The following OPCML variants were observed in gnomAD, a reference collection of about 807,000 sequenced individuals.
OPCML encodes the protein opioid-binding protein/cell adhesion molecule.
In OPCML, 13 loss-of-function variants were observed where a neutral mutation model predicts 37.8. That is an observed-to-expected ratio of 0.34 (90% CI 0.22 to 0.55). The LOEUF is 0.55. Among genes scored for constraint, OPCML ranks in the 20% least tolerant of loss-of-function variants. The probability of loss-of-function intolerance (pLI) is 0.91; values close to 1 mark genes in which losing one functional copy is unlikely to be tolerated. For synonymous variants in OPCML, 176 were observed against 168.8 expected, an observed-to-expected ratio of 1.04 and a Z score of -0.33; for missense variants, 341 against 435.6, an observed-to-expected ratio of 0.78 and a Z score of 1.93.
chr11:132,999,135 C>T (rs920785698), intron 1 of OPCML, among the ~76,000 whole-genome samples: 1 of 152,216 alleles, frequency 6.6e-6, no homozygotes, highest in Non-Finnish European at 1.5e-5. Flanking sequence ...TTCCTGCTCC[C>T]AGCAGTCCTG....
chr11:132,446,030 G>C (rs992044217), intron 4 of OPCML, among the ~76,000 whole-genome samples: 4 of 148,052 alleles, frequency 2.7e-5, no homozygotes, highest in African/African-American at 7.4e-5. Context: ...ATAGTCAAAC[G>C]AAGAGCATGA....
chr11:132,901,540 G>A (rs1944061926), intron 2 of OPCML, among the ~76,000 whole-genome samples: 1 of 152,192 alleles, frequency 6.6e-6, no homozygotes, highest in Non-Finnish European at 1.5e-5. Flanking sequence ...CACAGACGAT[G>A]ACATGGAGGC....
At chr11:132,896,811 T>G (rs778127356) in intron 2 of OPCML, among the ~76,000 whole-genome samples, 1 of 152,218 alleles carries the variant, frequency 6.6e-6, no homozygotes, top group African/African-American at 2.4e-5. Flanking sequence ...GATAATCCAA[T>G]TAAAATTCAA....
At chr11:133,004,665 G>T (rs1041051812) in intron 1 of OPCML, 1 of 985,466 alleles carries the variant, frequency 1.0e-6, no homozygotes, top group African/African-American at 1.7e-5. Flanking sequence ...GCTGGCGAGG[G>T]ACCATGCCCT....
intron 1 of OPCML, among the ~76,000 whole-genome samples, chr11:133,240,512 T>A (rs1940689316): frequency 6.6e-6 from 1 of 152,170 alleles, no homozygotes; most frequent in African/African-American, 2.4e-5. Flanking sequence ...ATCTCAGATG[T>A]ATCCCCATCA....
At chr11:133,053,264 T>G (rs1301820736) in intron 1 of OPCML, among the ~76,000 whole-genome samples, 1 of 152,226 alleles carries the variant, frequency 6.6e-6, no homozygotes, top group Non-Finnish European at 1.5e-5. Context: ...GCACAGTGCC[T>G]GGCACATGGT....
intron 7 of OPCML, among the ~76,000 whole-genome samples, chr11:132,428,301 G>A (rs1478006030): frequency 1.3e-5 from 2 of 152,186 alleles, no homozygotes; most frequent in South Asian, 4.1e-4. Flanking sequence ...GTTAGTGAAA[G>A]GTATGAAACT....
chr11:132,556,110 G>GA (rs1170907277), intron 3 of OPCML, among the ~76,000 whole-genome samples: 2 of 151,028 alleles, frequency 1.3e-5, no homozygotes, highest in Non-Finnish European at 3.0e-5. Context: ...AGCTAATTTA[G>GA]AAAAAAAAAT....
intron 1 of OPCML, among the ~76,000 whole-genome samples, chr11:133,152,275 C>T (rs750606159): frequency 2.6e-5 from 4 of 152,148 alleles, no homozygotes; most frequent in East Asian, 1.9e-4. Context: ...CCGAAGAAAG[C>T]GGAAAAGAGT....
chr11:133,366,294 A>G (rs1457880725), intron 1 of OPCML, among the ~76,000 whole-genome samples: 1 of 152,146 alleles, frequency 6.6e-6, no homozygotes, highest in East Asian at 1.9e-4. Flanking sequence ...TATTGAAGGC[A>G]TGGGAGGTGA....
At chr11:132,592,588 T>A (rs2096486273) in intron 3 of OPCML, among the ~76,000 whole-genome samples, 1 of 152,180 alleles carries the variant, frequency 6.6e-6, no homozygotes, top group South Asian at 2.1e-4. Context: ...CTCCAGTGAG[T>A]GAGCATGCCC....
At chr11:132,769,243 GTTT>G (rs547838851) in intron 2 of OPCML, among the ~76,000 whole-genome samples, 1 of 144,834 alleles carries the variant, frequency 6.9e-6, no homozygotes, top group Admixed American at 6.8e-5. Flanking sequence ...TTTGTTTGTT[GTTT>G]TTTTTTTTTG....
chr11:133,146,312 CTTTT>C (rs869237328), intron 1 of OPCML, among the ~76,000 whole-genome samples: 29 of 128,740 alleles, frequency 2.3e-4, no homozygotes, highest in Non-Finnish European at 3.3e-4. Context: ...TCCATCTTTT[CTTTT>C]TTTTTTTTTT....
intron 1 of OPCML, among the ~76,000 whole-genome samples, chr11:132,960,005 A>C (rs552025060): frequency 7.2e-5 from 11 of 152,216 alleles, no homozygotes; most frequent in Non-Finnish European, 1.5e-4. Context: ...TTGGCTCTAA[A>C]ATTGAGCTTA....
intron 2 of OPCML, among the ~76,000 whole-genome samples, chr11:132,743,221 A>G (rs1184226890): frequency 2.6e-5 from 4 of 152,134 alleles, no homozygotes. Flanking sequence ...CTGCTTGATA[A>G]TGTTGGTTAT....
intron 2 of OPCML, among the ~76,000 whole-genome samples, chr11:132,782,233 G>A (rs1947057800): frequency 6.6e-6 from 1 of 152,110 alleles, no homozygotes; most frequent in African/African-American, 2.4e-5. Context: ...CTTAAGAGCT[G>A]CAGGTGTGTC....
At chr11:133,062,568 C>T (rs1280299482) in intron 1 of OPCML, among the ~76,000 whole-genome samples, 2 of 152,176 alleles carry the variant, frequency 1.3e-5, no homozygotes, top group African/African-American at 2.4e-5. Context: ...TGGTTCAGAA[C>T]GTTGCACCCT....
At chr11:133,369,186 T>G (rs1944619614) in intron 1 of OPCML, among the ~76,000 whole-genome samples, 1 of 152,200 alleles carries the variant, frequency 6.6e-6, no homozygotes, top group African/African-American at 2.4e-5. Flanking sequence ...TGGCTTAGCT[T>G]GTAACAAATG....
intron 1 of OPCML, among the ~76,000 whole-genome samples, chr11:133,190,417 C>T (rs1439400628): frequency 6.6e-6 from 1 of 152,260 alleles, no homozygotes; most frequent in Admixed American, 6.5e-5. Flanking sequence ...CTCTTTCCCT[C>T]CCTCCCTCTC....
Sources: allele counts gnomAD v4.1 joint callset (sites outside exome capture counted in the v4.1 genomes callset), GRCh38; gene constraint gnomAD v4.1.1; transcripts MANE v1.5; gene names NCBI Gene and HGNC (gene_info 2026-07-23, HGNC 2026-07-21).